RUVBL1: variants seen among roughly 807,000 people sequenced by gnomAD.
The protein encoded by RUVBL1 is RuvB like AAA ATPase 1, also known as ruvB-like 1.
In RUVBL1, 4 loss-of-function variants were observed where a neutral mutation model predicts 52.4. The observed-to-expected ratio is 0.08, with a 90% CI of 0.04 to 0.17. The LOEUF (loss-of-function observed/expected upper bound fraction) is 0.17, where lower values mean the gene tolerates loss of function less well. Among genes scored for constraint, RUVBL1 ranks in the 10% least tolerant of loss-of-function variants. The probability of loss-of-function intolerance (pLI) is 1.00; values close to 1 mark genes in which losing one functional copy is unlikely to be tolerated. For missense variants in RUVBL1, 298 were observed against 572.8 expected (o/e 0.52, Z 4.90); for synonymous variants, 217 against 214.4 (o/e 1.01, Z -0.10).
chr3:128,137,071 G>A (rs1339216435), intron 1 of RUVBL1, among the ~76,000 whole-genome samples: 4 of 152,014 alleles, frequency 2.6e-5, no homozygotes, highest in Non-Finnish European at 2.9e-5. Context: ...GATAGACCAC[G>A]TTAGGCCACA....
At chr3:128,087,430 T>C (rs1351076768) in intron 9 of RUVBL1, among the ~76,000 whole-genome samples, 1 of 152,218 alleles carries the variant, frequency 6.6e-6, no homozygotes, top group Non-Finnish European at 1.5e-5. Flanking sequence ...ATCCTTTTCC[T>C]AAAGCTTATC....
chr3:128,141,267 T>C (rs1337014561), intron 1 of RUVBL1, among the ~76,000 whole-genome samples: 2 of 152,210 alleles, frequency 1.3e-5, no homozygotes, highest in African/African-American at 4.8e-5. Flanking sequence ...GTCCTGATGC[T>C]CCAGGTGGCC....
intron 1 of RUVBL1, among the ~76,000 whole-genome samples, chr3:128,132,659 G>T (rs374621493): frequency 6.6e-6 from 1 of 152,156 alleles, no homozygotes; most frequent in African/African-American, 2.4e-5. Context: ...AGAATGCAGC[G>T]TCTTGAAGGA....
exon 1 of RUVBL1, chr3:128,153,829 C>T (rs1171877917): frequency 2.0e-6 from 3 of 1,497,034 alleles, no homozygotes; most frequent in East Asian, 2.8e-5. Context: ...CGGCGGTGAG[C>T]GCGGGCCGGG....
intron 1 of RUVBL1, among the ~76,000 whole-genome samples, chr3:128,143,199 G>A (rs1273169520): frequency 1.4e-5 from 2 of 145,056 alleles, no homozygotes; most frequent in Non-Finnish European, 3.0e-5. Context: ...TTGAGACAGA[G>A]TCTCGCTCTG....
At chr3:128,153,230 C>A in exon 1 of RUVBL1, 1 of 1,335,486 alleles carries the variant, frequency 7.5e-7, no homozygotes, top group Non-Finnish European at 9.5e-7. Context: ...CTTCACTTCT[C>A]AGAAGGATCC....
chr3:128,101,794 G>T, intron 4 of RUVBL1, 146 bp from the exon 5 acceptor site: 1 of 740,754 alleles, frequency 1.3e-6, no homozygotes, highest in Non-Finnish European at 2.3e-6. Context: ...ACTGGGACCT[G>T]CAGGAGTGTG....
At position 128,093,494 on chromosome 3, in the gene RUVBL1, G is replaced by GT. The variant is rs75506552; in HGVS notation, c.1016+3805dup. Among the ~76,000 whole-genome samples the GT allele has an allele frequency of 4.1e-3, 602 of 145,566 alleles. 5 individuals carry two copies. The highest frequency in any genetic ancestry group is 9.1e-3 in the African/African-American group (364 of 39,908). ...TATGAATTATGTCTCCATAAAGTTGGTTTTTTTTTTTGTTGGAACACTATC... is the reference window on the plus strand; with the variant it reads ...TATGAATTATGTCTCCATAAAGTTGGTTTTTTTTTTTTGTTGGAACACTATC... On this transcript the variant is annotated intron_variant, in intron 8 of 10. Coordinates refer to ENST00000322623, the MANE Select transcript of RUVBL1 (RefSeq NM_003707.3).
intron 1 of RUVBL1, among the ~76,000 whole-genome samples, chr3:128,143,094 T>C (rs895810744): frequency 6.6e-6 from 1 of 151,640 alleles, no homozygotes; most frequent in Non-Finnish European, 1.5e-5. Flanking sequence ...CCTGCCACTC[T>C]CTTATAAGGT....
chr3:128,146,612 G>T (rs1239746968), intron 1 of RUVBL1, among the ~76,000 whole-genome samples: 1 of 146,634 alleles, frequency 6.8e-6, no homozygotes, highest in Non-Finnish European at 1.6e-5. Context: ...GCCTGCCGCT[G>T]TGTGCACGTC....
intron 3 of RUVBL1, among the ~76,000 whole-genome samples, chr3:128,105,865 C>CTTTTTTTTTTTTTTTTTTTTTT: frequency 1.1e-5 from 1 of 88,912 alleles, no homozygotes; most frequent in South Asian, 4.2e-4. Context: ...TTCCCTTTTT[C>CTTTTTTTTTTTTTTTTTTTTTT]TTTTTTTTTT....
At chr3:128,117,662 G>C (rs1037974488) in intron 2 of RUVBL1, among the ~76,000 whole-genome samples, 1 of 151,004 alleles carries the variant, frequency 6.6e-6, no homozygotes, top group Non-Finnish European at 1.5e-5. Flanking sequence ...ACCCAGGCTA[G>C]AGTGCAATGG....
At chr3:128,153,477 C>A in exon 1 of RUVBL1, 1 of 1,465,546 alleles carries the variant, frequency 6.8e-7, no homozygotes. Context: ...GAGGGGCGGG[C>A]CGGGCGGGTG....
At chr3:128,153,224 A>C (rs543689255) in exon 1 of RUVBL1, 1 of 1,325,556 alleles carries the variant, frequency 7.5e-7, no homozygotes, top group African/African-American at 1.6e-5. Flanking sequence ...AAATGGCTTC[A>C]CTTCTCAGAA....
At chr3:128,065,076 G>A in exon 10 of RUVBL1, 1 of 1,607,310 alleles carries the variant, frequency 6.2e-7, no homozygotes, top group Non-Finnish European at 8.5e-7. Flanking sequence ...TCCATGGTCT[G>A]GATTTAAGTT....
chr3:128,126,232 T>C (rs906177544), upstream of RUVBL1, among the ~76,000 whole-genome samples: 1 of 145,806 alleles, frequency 6.9e-6, no homozygotes, highest in East Asian at 1.9e-4. Flanking sequence ...TGTGTGTGTG[T>C]GTGCTAAATA....
At chr3:128,087,861 G>A (rs1214829599) in intron 8 of RUVBL1, 53 bp from the exon 9 acceptor site, 28 of 1,269,780 alleles carry the variant, frequency 2.2e-5, no homozygotes, top group South Asian at 9.6e-5. Flanking sequence ...GACAAGAAAC[G>A]ACACTGGAAA....
chr3:128,116,178 A>AT (rs1008320621), intron 2 of RUVBL1, among the ~76,000 whole-genome samples: 2 of 151,828 alleles, frequency 1.3e-5, no homozygotes, highest in Non-Finnish European at 2.9e-5. Context: ...AAACATTACA[A>AT]TTAAAAAAAA....
At chr3:128,070,590 A>C (rs567510012) in intron 9 of RUVBL1, 1 of 152,276 alleles carries the variant, frequency 6.6e-6, no homozygotes, top group East Asian at 1.9e-4. Flanking sequence ...AAGATCACCC[A>C]GCTGTGTTCA....
Sources: allele counts gnomAD v4.1 joint callset (sites outside exome capture counted in the v4.1 genomes callset), GRCh38; gene constraint gnomAD v4.1.1; transcripts MANE v1.5; gene names NCBI Gene and HGNC (gene_info 2026-07-23, HGNC 2026-07-21).